DERL1: variants seen among roughly 807,000 people sequenced by gnomAD.
The protein encoded by DERL1 is derlin-1.
Under a neutral mutation model 41.6 loss-of-function variants are expected in DERL1, and 24 were observed. The observed-to-expected ratio is 0.58, with a 90% CI of 0.42 to 0.81. The LOEUF (loss-of-function observed/expected upper bound fraction) is 0.81. DERL1 is among the 30% of genes least tolerant of loss of function. DERL1 has a pLI of 0.00. For synonymous variants in DERL1, 124 were observed against 112.5 expected (o/e 1.10, Z -0.65); for missense variants, 260 against 314.3 (o/e 0.83, Z 1.31).
chr8:123,026,017 C>T (rs7826108), intron 2 of DERL1, among the ~76,000 whole-genome samples: 1,915 of 152,068 alleles, frequency 0.013, 37 homozygotes, highest in African/African-American at 0.044. Flanking sequence ...TGTAAGATCA[C>T]TCTAGCTTGA....
intron 2 of DERL1, among the ~76,000 whole-genome samples, chr8:123,029,713 T>C (rs1430683879): frequency 2.6e-5 from 4 of 152,198 alleles, no homozygotes; most frequent in African/African-American, 4.8e-5. Context: ...AGGAAATAAA[T>C]GACAATTCAG....
At chr8:123,034,097 A>G (rs553940897) in intron 1 of DERL1, among the ~76,000 whole-genome samples, 5 of 152,224 alleles carry the variant, frequency 3.3e-5, no homozygotes, top group Admixed American at 1.3e-4. Context: ...GAATTGCAAG[A>G]GCACAATAAC....
chr8:123,039,950 G>A (rs977314292), intron 1 of DERL1, among the ~76,000 whole-genome samples: 3 of 152,238 alleles, frequency 2.0e-5, no homozygotes, highest in African/African-American at 7.2e-5. Context: ...AGGCTCAGTG[G>A]CTCACGCCTC....
chr8:123,039,075 AC>A (rs1285738569), intron 1 of DERL1, among the ~76,000 whole-genome samples: 1 of 152,054 alleles, frequency 6.6e-6, no homozygotes, highest in Non-Finnish European at 1.5e-5. Context: ...TGCTCGCTTC[AC>A]CCATTCACTC....
intron 1 of DERL1, among the ~76,000 whole-genome samples, chr8:123,034,848 G>A (rs887776919): frequency 1.3e-5 from 2 of 152,168 alleles, no homozygotes; most frequent in South Asian, 2.1e-4. Flanking sequence ...AAGTATGGAC[G>A]TCAAATTGGC....
chr8:123,019,976 C>G (rs1814715011), intron 6 of DERL1, among the ~76,000 whole-genome samples: 1 of 152,210 alleles, frequency 6.6e-6, no homozygotes, highest in African/African-American at 2.4e-5. Flanking sequence ...TCAACACCTG[C>G]AACTACTTCA....
At chr8:123,031,652 T>C (rs1428978384) in intron 1 of DERL1, among the ~76,000 whole-genome samples, 2 of 152,218 alleles carry the variant, frequency 1.3e-5, no homozygotes, top group Non-Finnish European at 2.9e-5. Flanking sequence ...GATCAGTGTC[T>C]TGTATTTCCT....
At chr8:123,021,706 G>C (rs956096317) in intron 5 of DERL1, among the ~76,000 whole-genome samples, 1 of 152,120 alleles carries the variant, frequency 6.6e-6, no homozygotes, top group African/African-American at 2.4e-5. Flanking sequence ...TTGTGTATTT[G>C]TAACTGGAAG....
chr8:123,029,956 AGGCTG>A (rs1478168003), intron 2 of DERL1, among the ~76,000 whole-genome samples: 2 of 152,148 alleles, frequency 1.3e-5, no homozygotes, highest in Admixed American at 6.5e-5. Flanking sequence ...GCTACTCAGG[AGGCTG>A]AGGCATGAGA....
At chr8:123,032,863 C>CTTT (rs200724608) in intron 1 of DERL1, among the ~76,000 whole-genome samples, 4 of 122,070 alleles carry the variant, frequency 3.3e-5, no homozygotes, top group South Asian at 2.5e-4. Context: ...TTTCTATTTT[C>CTTT]TTTTTTTTTT....
At chr8:123,024,509 G>A (rs961057113) in intron 3 of DERL1, among the ~76,000 whole-genome samples, 2 of 152,224 alleles carry the variant, frequency 1.3e-5, no homozygotes, top group African/African-American at 4.8e-5. Context: ...ATACAAAGCA[G>A]AGAAACGTAC....
At chr8:123,040,697 A>C (rs1457470577) in intron 1 of DERL1, among the ~76,000 whole-genome samples, 1 of 152,248 alleles carries the variant, frequency 6.6e-6, no homozygotes, top group Non-Finnish European at 1.5e-5. Context: ...ATGGAGAATG[A>C]AAAGGGATTG....
intron 1 of DERL1, among the ~76,000 whole-genome samples, chr8:123,041,606 CAG>C (rs1297781609): frequency 6.6e-6 from 1 of 152,236 alleles, no homozygotes; most frequent in East Asian, 1.9e-4. Context: ...ACGTGGGTGA[CAG>C]AGGGAGGTCA....
chr8:123,032,594 C>T (rs1254810847), intron 1 of DERL1, among the ~76,000 whole-genome samples: 1 of 152,142 alleles, frequency 6.6e-6, no homozygotes, highest in Admixed American at 6.5e-5. Context: ...AAAGTCTTTT[C>T]GCTCCAAGAA....
chr8:123,038,917 T>C lies in DERL1; in HGVS notation c.153+3053A>G, dbSNP rs1045596638. Among the ~76,000 whole-genome samples the C allele has an allele frequency of 2.6e-5, 4 of 152,160 alleles. No homozygotes were observed. The South Asian group carries it at 8.3e-4, about 32-fold the overall frequency. ...TCGCCACATGGATGCCTGAAAAGCA[T>C]CTCAAGACTTAGCACAGCCAAAACC... is the stretch of plus-strand genomic sequence containing the variant. On this transcript the variant is annotated intron_variant, in intron 1 of 7. Transcript: ENST00000259512.
Position 123,042,034 on chromosome 8 carries a change from T to A in DERL1, c.89A>T (p.Lys30Ile), listed in dbSNP as rs1813090239. 6.2e-7 allele frequency: 1 copy of A among 1,613,972 alleles called. No individual in the cohort carries two copies. Among genetic ancestry groups the A allele is most frequent in the South Asian group, 1.1e-5 (1 of 91,062 alleles). Residue 30 changes from lysine to isoleucine, a missense_variant, in exon 1 of 8, where the codon AAA (lysine) becomes ATA (isoleucine). Lys to Ile is a moderately radical substitution (Grantham distance 102). Coordinates refer to ENST00000259512, the MANE Select transcript of DERL1 (RefSeq NM_024295.6). ...GTAGGCCGGGCTGATGAGGCCGAGTTTGCCGACCAAGGGCACGGCGACGGT... is the reference window on the plus strand; with the variant it reads ...GTAGGCCGGGCTGATGAGGCCGAGTATGCCGACCAAGGGCACGGCGACGGT... ...AATVAVPLVGKLGLISPAYLF... is the reference protein window; with the variant it reads ...AATVAVPLVGILGLISPAYLF...
chr8:123,028,363 A>G (rs1454178442), intron 2 of DERL1, among the ~76,000 whole-genome samples: 1 of 152,244 alleles, frequency 6.6e-6, no homozygotes, highest in Non-Finnish European at 1.5e-5. Context: ...AAGTGAAAGA[A>G]GCCAGTCACC....
Position 123,022,726 on chromosome 8 carries a change from G to A in DERL1, c.411C>T (p.Asn137=). ...ACCAAAATGATACAATCATGTCTCTGTTCAGCTGGGCCCAGACATAAAGTA... is the reference window on the plus strand; with the variant it reads ...ACCAAAATGATACAATCATGTCTCTATTCAGCTGGGCCCAGACATAAAGTA... ...MSVLYVWAQL[N]RDMIVSFWFG... The change falls in exon 5 of 8, where the codon AAC becomes AAT. Residue 137 remains asparagine, a synonymous_variant. Coordinates refer to ENST00000259512, the MANE Select transcript of DERL1 (RefSeq NM_024295.6). The A allele has an allele frequency of 6.2e-7, 1 of 1,614,098 alleles. No individual in the cohort carries two copies. The highest frequency in any genetic ancestry group is 8.5e-7 in the Non-Finnish European group (1 of 1,179,986).
intron 5 of DERL1, 64 bp from the exon 6 acceptor site, chr8:123,021,563 G>C: frequency 1.4e-6 from 2 of 1,454,816 alleles, no homozygotes; most frequent in Non-Finnish European, 1.9e-6. Context: ...AGCTACTACG[G>C]GGACTAAAGT....
Sources: gnomAD v4.1 joint callset for allele counts (sites outside exome capture counted in the v4.1 genomes callset) on GRCh38, gnomAD v4.1.1 for gene constraint, MANE v1.5 for transcripts, NCBI Gene and HGNC (gene_info 2026-07-23, HGNC 2026-07-21) for gene names.